Variants in CATSPERD observed in about 807,000 individuals in gnomAD.
CATSPERD encodes the protein cation channel sperm-associated auxiliary subunit delta.
A neutral mutation model predicts 98.1 loss-of-function variants in CATSPERD; 86 were observed. The observed-to-expected ratio is 0.88, with a 90% CI of 0.74 to 1.05. The LOEUF (loss-of-function observed/expected upper bound fraction) is 1.05, where lower values mean the gene tolerates loss of function less well. Ranked by LOEUF, CATSPERD falls within the 50% of genes least tolerant of loss-of-function variation. The probability of loss-of-function intolerance (pLI) is 0.00; values close to 1 mark genes in which losing one functional copy is unlikely to be tolerated. For missense variants in CATSPERD, 995 were observed against 1,005.7 expected (o/e 0.99, Z 0.14); for synonymous variants, 394 against 390.2 (o/e 1.01, Z -0.12).
chr19:5,764,965 C>T lies in CATSPERD; in HGVS notation c.1507-1138C>T, dbSNP rs141071500. ...TCACTCTGTCTCCCAGGCTGCCGCACAGTAGCACAATCAAGGCTCACTGCA... is the reference window on the plus strand; with the variant it reads ...TCACTCTGTCTCCCAGGCTGCCGCATAGTAGCACAATCAAGGCTCACTGCA... On this transcript the variant is annotated intron_variant, in intron 16 of 21. Coordinates refer to ENST00000381624, the MANE Select transcript of CATSPERD (RefSeq NM_152784.4). Among the ~76,000 whole-genome samples, 3 of 152,138 alleles carry T rather than the reference C, an allele frequency of 2.0e-5. No homozygotes were observed. In the East Asian group the frequency reaches 5.8e-4, roughly 29 times the overall value.
intron 1 of CATSPERD, among the ~76,000 whole-genome samples, chr19:5,721,653 CCTT>C (rs965884702): frequency 6.6e-6 from 1 of 152,024 alleles, no homozygotes; most frequent in African/African-American, 2.4e-5. Context: ...GATTCCTTAA[CCTT>C]ATTTTATTTT....
intron 17 of CATSPERD, among the ~76,000 whole-genome samples, chr19:5,767,489 ATAT>A (rs1047284287): frequency 1.8e-4 from 26 of 147,996 alleles, no homozygotes; most frequent in Non-Finnish European, 2.7e-4. Context: ...TCCCTTTTAT[ATAT>A]TATTATTATT....
chr19:5,776,133 C>G (rs1299296150), intron 20 of CATSPERD, 28 bp from the exon 21 acceptor site: 2 of 1,610,416 alleles, frequency 1.2e-6, no homozygotes, highest in African/African-American at 2.7e-5. Context: ...GTCCCTAGGG[C>G]CAGTGGGCAT....
intron 5 of CATSPERD, among the ~76,000 whole-genome samples, chr19:5,736,187 C>T (rs1343213265): frequency 6.6e-6 from 1 of 151,872 alleles, no homozygotes; most frequent in Non-Finnish European, 1.5e-5. Flanking sequence ...GCTAGGATTA[C>T]AGGTGTGAAC....
chr19:5,766,144 C>G lies in CATSPERD; in HGVS notation c.1548C>G (p.Ile516Met), dbSNP rs372839203. 53 of 1,612,868 alleles carry G rather than the reference C, an allele frequency of 3.3e-5. No individual in the cohort carries two copies. In the African/African-American group the frequency reaches 6.5e-4, roughly 20 times the overall value. Residue 516 changes from isoleucine (I) to methionine (M), a missense_variant, in exon 17 of 22, where the codon ATC becomes ATG. By Grantham distance (10) the Ile-to-Met change is conservative (BLOSUM62 1). Coordinates refer to ENST00000381624, the MANE Select transcript of CATSPERD (RefSeq NM_152784.4). Reference sequence around the variant, plus strand: ...TTGGCTGCGACCTGGATAAAAAGATCGTCATCCAGAAGTAAGTATGTTGAG... The same window carrying G: ...TTGGCTGCGACCTGGATAAAAAGATGGTCATCCAGAAGTAAGTATGTTGAG... ...ISVGCDLDKK[I>M]VIQNKVSACS...
chr19:5,720,885 C>A, intron 1 of CATSPERD, 77 bp downstream of exon 1: 1 of 1,247,920 alleles, frequency 8.0e-7, no homozygotes, highest in Non-Finnish European at 1.1e-6. Context: ...GAGCCGAGGC[C>A]TGCTCCCCAA....
intron 18 of CATSPERD, among the ~76,000 whole-genome samples, chr19:5,769,353 A>C (rs570105910): frequency 7.3e-5 from 11 of 151,526 alleles, no homozygotes; most frequent in Non-Finnish European, 1.5e-4. Flanking sequence ...CCAGGCTCTT[A>C]AACAAGCAGT....
intron 1 of CATSPERD, among the ~76,000 whole-genome samples, chr19:5,721,552 T>C (rs552039795): frequency 6.6e-6 from 1 of 152,238 alleles, no homozygotes. Context: ...GGAACTCCCA[T>C]CTGGACTAAA....
chr19:5,721,123 T>C (rs1464519738), intron 1 of CATSPERD, among the ~76,000 whole-genome samples: 8 of 149,380 alleles, frequency 5.4e-5, no homozygotes, highest in South Asian at 2.1e-4. Flanking sequence ...CTCAGCCTCC[T>C]GAGTAGCTGG....
Position 5,761,258 on chromosome 19 carries a change from C to T in CATSPERD, c.1428-1957C>T, listed in dbSNP as rs542497553. Among the ~76,000 whole-genome samples, 33 of 152,224 alleles carry T rather than the reference C, an allele frequency of 2.2e-4. No individual in the cohort carries two copies. The South Asian group carries it at 6.0e-3, about 28-fold the overall frequency. ...CTGGGATTATAGGCATGTGCCACCA[C>T]GCCCAGCTAATTTCTGTATTTTTAC... On this transcript the variant is annotated intron_variant, in intron 15 of 21. Transcript: ENST00000381624.
In CATSPERD at chr19:5,751,639, C is replaced by T. The variant is rs2056223503; in HGVS notation, c.988-8C>T. 2 of 1,423,866 alleles carry T rather than the reference C, an allele frequency of 1.4e-6. No individual in the cohort carries two copies. The highest frequency in any genetic ancestry group is 1.3e-5 in the South Asian group (1 of 74,666). The allele number at this position is 1,423,866 out of a possible 1,614,324, so 88.2% of individuals were successfully genotyped here. On this transcript the variant is annotated splice_polypyrimidine_tract_variant and splice_region_variant and intron_variant, in intron 11 of 21. Transcript: ENST00000381624. ...ATGATTAGATCTCAGGAATCATTTT[C>T]TTCTTAGTTTGCAGACCAATACATC...
At chr19:5,743,069 C>T (rs943710586) in intron 7 of CATSPERD, among the ~76,000 whole-genome samples, 3 of 152,128 alleles carry the variant, frequency 2.0e-5, no homozygotes, top group African/African-American at 7.2e-5. Context: ...TTTGGGAGGA[C>T]AAGGCAGGTG....
Position 5,768,258 on chromosome 19 carries a change from C to T in CATSPERD, c.1634+16C>T. 6.2e-7 allele frequency: 1 copy of T among 1,608,720 alleles called. No individual in the cohort carries two copies. The highest frequency in any genetic ancestry group is 8.5e-7 in the Non-Finnish European group (1 of 1,176,336). On this transcript the variant is annotated intron_variant, in intron 18 of 21. Transcript: ENST00000381624. The stretch of plus-strand genomic sequence containing the variant: ...TCATCGAGAAGTAAGCCAGCGTCCC[C>T]CCGCAACACCTGACACCCAAGGCGA...
At chr19:5,778,290 G>C (rs2056768651) in intron 21 of CATSPERD, 86 bp from the exon 22 acceptor site, 2 of 1,218,772 alleles carry the variant, frequency 1.6e-6, no homozygotes, top group Non-Finnish European at 2.3e-6. Flanking sequence ...TCTCCCTCCT[G>C]TGGGTCTGAA....
At chr19:5,771,848 C>G (rs972026810) in intron 19 of CATSPERD, among the ~76,000 whole-genome samples, 1 of 152,088 alleles carries the variant, frequency 6.6e-6, no homozygotes. Context: ...GGATAACAGG[C>G]GTGAGCCACC....
At chr19:5,759,522 G>A (rs1425198584) in intron 15 of CATSPERD, among the ~76,000 whole-genome samples, 1 of 145,350 alleles carries the variant, frequency 6.9e-6, no homozygotes. Context: ...CCGAGATCGT[G>A]CCATTGCACT....
intron 11 of CATSPERD, among the ~76,000 whole-genome samples, chr19:5,750,502 C>T (rs1351757721): frequency 6.1e-5 from 9 of 148,206 alleles, no homozygotes; most frequent in African/African-American, 2.2e-4. Context: ...CACAGTGGCT[C>T]CTTCCTGCAA....
At chr19:5,773,028 G>A (rs1231746124) in intron 20 of CATSPERD, 63 bp downstream of exon 20, 44 of 1,519,492 alleles carry the variant, frequency 2.9e-5, no homozygotes, top group Non-Finnish European at 3.7e-5. Context: ...GGGAGAGTGC[G>A]TGAGGACACC....
At position 5,751,531 on chromosome 19, in the gene CATSPERD, CAAAAAAAAAAAAAAAAAAAAAA is replaced by C. The variant is rs57266365; in HGVS notation, c.988-100_988-79del. The C allele has an allele frequency of 1.0e-3, 159 of 159,392 alleles. 6 individuals are homozygous for C. Among genetic ancestry groups the C allele is most frequent in the Admixed American group, 8.1e-4 (3 of 3,714 alleles). The allele number at this position is 159,392 out of a possible 1,614,324, so 9.9% of individuals were successfully genotyped here. A position where few individuals can be genotyped will look rare whatever the true frequency, so the allele number is the denominator to read the frequency against. ...CCTGGGAGACAGAGTGAGACTCCAT[CAAAAAAAAAAAAAAAAAAAAAA>C]AAAAAAAAAAAAAAATCTGCATCAT... On this transcript the variant is annotated intron_variant, in intron 11 of 21. Transcript: ENST00000381624.
Sources: gnomAD v4.1 joint callset for allele counts (sites outside exome capture counted in the v4.1 genomes callset) on GRCh38, gnomAD v4.1.1 for gene constraint, MANE v1.5 for transcripts, NCBI Gene and HGNC (gene_info 2026-07-23, HGNC 2026-07-21) for gene names.